METAP1: variants seen among roughly 807,000 people sequenced by gnomAD.
METAP1 encodes methionine aminopeptidase 1.
A neutral mutation model predicts 53.8 loss-of-function variants in METAP1; 28 were observed. The ratio of observed to expected loss-of-function variants is 0.52; its 90% CI spans 0.39 to 0.71. The LOEUF (loss-of-function observed/expected upper bound fraction) is 0.71, where lower values mean the gene tolerates loss of function less well. Among genes scored for constraint, METAP1 ranks in the 30% least tolerant of loss-of-function variants. The probability of loss-of-function intolerance (pLI) is 0.00; values close to 1 mark genes in which losing one functional copy is unlikely to be tolerated. For missense variants in METAP1, 389 were observed against 479.8 expected (o/e 0.81, Z 1.77); for synonymous variants, 181 against 165.7 (o/e 1.09, Z -0.71).
chr4:99,033,764 T>C (rs1482608657), intron 2 of METAP1, among the ~76,000 whole-genome samples: 1 of 152,174 alleles, frequency 6.6e-6, no homozygotes, highest in African/African-American at 2.4e-5. Context: ...TATTTTTGAT[T>C]TTGAATTTGC....
intron 1 of METAP1, chr4:99,026,183 CAG>C (rs1291233912): frequency 4.2e-6 from 4 of 961,734 alleles, no homozygotes; most frequent in Non-Finnish European, 4.9e-6. Context: ...AGACCTGTCT[CAG>C]ATATTTTGGG....
chr4:98,995,886 G>C lies in METAP1; in HGVS notation c.114+19G>C. The C allele has an allele frequency of 6.6e-7, 1 of 1,522,208 alleles. No individual in the cohort carries two copies. The highest frequency in any genetic ancestry group is 8.9e-7 in the Non-Finnish European group (1 of 1,126,216). 94.3% of individuals were successfully genotyped at this position (1,522,208 alleles called of 1,614,324 possible). On this transcript the variant is annotated intron_variant, in intron 1 of 10. Transcript: ENST00000296411. ...CTCGCAGGTAGGCGCCCGCTGCCCC[G>C]CGGATATGCCGCCGCTGCGGGACCC...
chr4:98,997,803 A>G (rs1023970159), intron 1 of METAP1, among the ~76,000 whole-genome samples: 4 of 152,168 alleles, frequency 2.6e-5, no homozygotes, highest in Admixed American at 6.5e-5. Flanking sequence ...TTAGACATGC[A>G]CTCAAATATT....
chr4:99,040,177 CATTTT>C (rs1222642596), intron 5 of METAP1, among the ~76,000 whole-genome samples: 1 of 152,128 alleles, frequency 6.6e-6, no homozygotes, highest in Non-Finnish European at 1.5e-5. Flanking sequence ...AACATTTTGT[CATTTT>C]ATTTTCACAA....
intron 8 of METAP1, among the ~76,000 whole-genome samples, chr4:99,048,220 G>T (rs1726415077): frequency 1.3e-5 from 2 of 152,076 alleles, no homozygotes; most frequent in Non-Finnish European, 2.9e-5. Context: ...AACGTTTTTG[G>T]CATGAAAGGA....
In METAP1 at chr4:99,022,179, C is replaced by T. The variant is rs114567005; in HGVS notation, c.115-6688C>T. On this transcript the variant is annotated intron_variant, in intron 1 of 10. Coordinates refer to ENST00000296411, the MANE Select transcript of METAP1 (RefSeq NM_015143.3). The stretch of plus-strand genomic sequence containing the variant: ...ATAGTGGAAGCCCACAAAACTTCCA[C>T]GTTTGGGCCCTCACCAGAGACACTG... 1,309 of 346,218 alleles carry T rather than the reference C, an allele frequency of 3.8e-3. 12 individuals are homozygous for T. Among genetic ancestry groups the T allele is most frequent in the African/African-American group, 0.026 (1,220 of 46,594 alleles). The allele number at this position is 346,218 out of a possible 1,614,324, so 21.4% of individuals were successfully genotyped here.
intron 2 of METAP1, among the ~76,000 whole-genome samples, chr4:99,031,032 T>C (rs773769728): frequency 5.3e-5 from 8 of 151,262 alleles, no homozygotes; most frequent in African/African-American, 7.3e-5. Flanking sequence ...TGCTTAATCA[T>C]AGAAGCTTAA....
At chr4:99,014,028 G>A (rs964809422) in intron 1 of METAP1, among the ~76,000 whole-genome samples, 5 of 152,206 alleles carry the variant, frequency 3.3e-5, no homozygotes, top group African/African-American at 1.2e-4. Flanking sequence ...TAGGGTGGGG[G>A]AGAGGCAGAG....
At chr4:99,049,377 C>T (rs956490137) in intron 9 of METAP1, among the ~76,000 whole-genome samples, 1 of 152,288 alleles carries the variant, frequency 6.6e-6, no homozygotes. Context: ...AAACAGTCAA[C>T]AGTTTGCCAC....
intron 1 of METAP1, among the ~76,000 whole-genome samples, chr4:99,004,485 ACACACACACACACACACACAC>A (rs1560691935): frequency 3.4e-5 from 2 of 59,242 alleles, no homozygotes; most frequent in Non-Finnish European, 5.2e-5. Flanking sequence ...ACACACACAT[ACACACACACACACACACACAC>A]ACACACAAAA....
chr4:99,052,075 T>TA (rs1468261944), intron 9 of METAP1, among the ~76,000 whole-genome samples: 1 of 152,236 alleles, frequency 6.6e-6, no homozygotes, highest in Non-Finnish European at 1.5e-5. Flanking sequence ...AAGCAAGTCA[T>TA]ACAGATTTTT....
chr4:99,056,036 A>G lies in METAP1; in HGVS notation c.932-1717A>G, dbSNP rs1727092294. Among the ~76,000 whole-genome samples the G allele has an allele frequency of 2.0e-5, 3 of 152,218 alleles. 1 individual carries two copies. The South Asian group carries it at 6.2e-4, about 32-fold the overall frequency. ...TTTTGGCAATACCTAAGATAGTGGA[A>G]AGCAGCACGATAGCTATTCATCTGG... On this transcript the variant is annotated intron_variant, in intron 9 of 10. Transcript: ENST00000296411.
rs764210081 is a variant in METAP1 at position 98,995,744 on chromosome 4, G to C, written c.-10G>C. The C allele has an allele frequency of 6.5e-7, 1 of 1,544,272 alleles. No homozygotes were observed. Among genetic ancestry groups the C allele is most frequent in the South Asian group, 1.2e-5 (1 of 83,848 alleles). On this transcript the variant is annotated 5_prime_UTR_variant, in exon 1 of 11. Transcript: ENST00000296411. ...TCCTCGGTGAGGCGCTCTTCCAGCG[G>C]GCAGGCAGCATGGCGGCCGTGGAGA...
intron 1 of METAP1, among the ~76,000 whole-genome samples, chr4:98,999,232 T>C (rs1722802622): frequency 6.6e-6 from 1 of 152,174 alleles, no homozygotes. Flanking sequence ...TTTGAATTAA[T>C]GGATAAATGC....
chr4:99,012,230 T>C (rs1342450314), intron 1 of METAP1, among the ~76,000 whole-genome samples: 2 of 151,748 alleles, frequency 1.3e-5, no homozygotes, highest in Non-Finnish European at 1.5e-5. Flanking sequence ...TTTTCTTCTT[T>C]TTCTAGTTCT....
chr4:98,998,934 G>T (rs538525275), intron 1 of METAP1, among the ~76,000 whole-genome samples: 14 of 151,632 alleles, frequency 9.2e-5, no homozygotes, highest in Non-Finnish European at 1.8e-4. Flanking sequence ...CCTCAGCCTC[G>T]CAAGTAGATG....
chr4:99,045,315 G>C lies in METAP1; in HGVS notation c.787+5G>C. The C allele has an allele frequency of 6.2e-7, 1 of 1,613,414 alleles. No homozygotes were observed. Among genetic ancestry groups the C allele is most frequent in the South Asian group, 1.1e-5 (1 of 91,010 alleles). On this transcript the variant is annotated splice_donor_5th_base_variant and intron_variant, in intron 8 of 10. Coordinates refer to ENST00000296411, the MANE Select transcript of METAP1 (RefSeq NM_015143.3). ...TGATGCAAGCCATTGATGCAGGTCAGCCTCAGTGTTGAGCACCTATTGGCA... is the reference window on the plus strand; with the variant it reads ...TGATGCAAGCCATTGATGCAGGTCACCCTCAGTGTTGAGCACCTATTGGCA...
At chr4:99,002,303 A>G (rs1227986257) in intron 1 of METAP1, among the ~76,000 whole-genome samples, 1 of 152,226 alleles carries the variant, frequency 6.6e-6, no homozygotes, top group Admixed American at 6.5e-5. Flanking sequence ...TTAAATAGGC[A>G]GAAATACTTT....
At position 99,061,475 on chromosome 4, in the gene METAP1, C is replaced by A; in HGVS notation, c.*158C>A. Reference sequence around the variant, plus strand: ...TTGATGTGTGTCCTCAAGAACTTGTCTTGGGTCTGAAAAAGCTGAGAAGAA... The same window carrying A: ...TTGATGTGTGTCCTCAAGAACTTGTATTGGGTCTGAAAAAGCTGAGAAGAA... On this transcript the variant is annotated 3_prime_UTR_variant, in exon 11 of 11. Coordinates refer to ENST00000296411, the MANE Select transcript of METAP1 (RefSeq NM_015143.3). 2 of 591,422 alleles carry A rather than the reference C, an allele frequency of 3.4e-6. No homozygotes were observed. Among genetic ancestry groups the A allele is most frequent in the African/African-American group, 1.9e-5 (1 of 51,886 alleles). 36.6% of individuals were successfully genotyped at this position (591,422 alleles called of 1,614,324 possible). A position where few individuals can be genotyped will look rare whatever the true frequency, so the allele number is the denominator to read the frequency against.
Sources: gnomAD v4.1 joint callset for allele counts (sites outside exome capture counted in the v4.1 genomes callset) on GRCh38, gnomAD v4.1.1 for gene constraint, MANE v1.5 for transcripts, NCBI Gene and HGNC (gene_info 2026-07-23, HGNC 2026-07-21) for gene names.